The following MIPOL1 variants were observed in gnomAD, a reference collection of about 807,000 sequenced individuals.
MIPOL1 encodes mirror-image polydactyly gene 1 protein.
Under a neutral mutation model 60.9 loss-of-function variants are expected in MIPOL1, and 57 were observed. That is an observed-to-expected ratio of 0.94 (90% CI 0.76 to 1.17). The LOEUF is 1.17. MIPOL1 is among the 50% of genes most tolerant of loss of function. The pLI is 0.00. For missense variants in MIPOL1, 551 were observed against 511.6 expected (o/e 1.08, Z -0.74); for synonymous variants, 179 against 168.8 (o/e 1.06, Z -0.47).
Position 37,547,001 on chromosome 14 carries a change from A to G in MIPOL1, c.*30A>G, listed in dbSNP as rs2095550144. On this transcript the variant is annotated 3_prime_UTR_variant, in exon 13 of 13. Transcript: ENST00000684589. ...AAAAAAACGACAGTCTGGGGAAGCG[A>G]TCACATCTGGTGACCAGGCTGCTTC... The G allele has an allele frequency of 3.8e-6, 6 of 1,598,064 alleles. No individual in the cohort carries two copies. The highest frequency in any genetic ancestry group is 4.3e-6 in the Non-Finnish European group (5 of 1,165,896).
At position 37,309,136 on chromosome 14, in the gene MIPOL1, T is replaced by G. The variant is rs563193483; in HGVS notation, c.828+617T>G. On this transcript the variant is annotated intron_variant, in intron 9 of 12. Transcript: ENST00000684589. ...TTTATTTATTTATTTATTTATTTAT[T>G]TATTTAGTGTGTGTGGAGATTTGGT... 2.7e-4 allele frequency among the ~76,000 whole-genome samples: 41 copies of G among 151,654 alleles called. No homozygotes were observed. In the South Asian group the frequency reaches 7.7e-3, roughly 28 times the overall value.
chr14:37,485,257 AGTCTT>A (rs2094929894), intron 11 of MIPOL1, among the ~76,000 whole-genome samples: 2 of 152,144 alleles, frequency 1.3e-5, no homozygotes, highest in African/African-American at 4.8e-5. Flanking sequence ...GTTGATTCCA[AGTCTT>A]TGCTATTGTG....
chr14:37,327,074 T>C lies in MIPOL1; in HGVS notation c.828+18555T>C, dbSNP rs563510746. On this transcript the variant is annotated intron_variant, in intron 9 of 12. Coordinates refer to ENST00000684589, the MANE Select transcript of MIPOL1 (RefSeq NM_001388067.1). The stretch of plus-strand genomic sequence containing the variant: ...GTAATAACCAATAAATATATAGCTG[T>C]ATTTAGAAGTGAAGAGAGATGAAGT... Among the ~76,000 whole-genome samples, 16 of 152,206 alleles carry C rather than the reference T, an allele frequency of 1.1e-4. No individual in the cohort carries two copies. The East Asian group carries it at 3.1e-3, about 30-fold the overall frequency.
rs144871601 is a variant in MIPOL1 at position 37,217,662 on chromosome 14, G to A, written c.-199+19558G>A. On this transcript the variant is annotated intron_variant, in intron 1 of 12. Transcript: ENST00000684589. ...AAACCATACAATCATTTCAATTGAC[G>A]CTGAAAAGATTTGATAAAATTCAGC... Among the ~76,000 whole-genome samples, 33 of 152,240 alleles carry A rather than the reference G, an allele frequency of 2.2e-4. No individual in the cohort carries two copies. In the East Asian group the frequency reaches 5.0e-3, roughly 23 times the overall value.
At chr14:37,372,049 A>G (rs2092654500) in intron 10 of MIPOL1, among the ~76,000 whole-genome samples, 1 of 152,098 alleles carries the variant, frequency 6.6e-6, no homozygotes, top group African/African-American at 2.4e-5. Flanking sequence ...CTGTCTCTAA[A>G]GCTTTCAGTC....
rs139717683 is a variant in MIPOL1 at position 37,313,737 on chromosome 14, T to G, written c.828+5218T>G. 5.8e-3 allele frequency among the ~76,000 whole-genome samples: 888 copies of G among 152,308 alleles called. 10 individuals are homozygous for G. The highest frequency in any genetic ancestry group is 0.021 in the African/African-American group (865 of 41,574). On this transcript the variant is annotated intron_variant, in intron 9 of 12. Transcript: ENST00000684589. ...AATATGCTATGACTCTTCAATGAATTTCATTGGCATCGACTGATGAGAATG... is the reference window on the plus strand; with the variant it reads ...AATATGCTATGACTCTTCAATGAATGTCATTGGCATCGACTGATGAGAATG...
chr14:37,264,547 A>C (rs1419034051), intron 3 of MIPOL1, among the ~76,000 whole-genome samples: 2 of 151,942 alleles, frequency 1.3e-5, no homozygotes, highest in Non-Finnish European at 2.9e-5. Context: ...AAAATTGCTT[A>C]AGCCCGGGAG....
chr14:37,315,552 G>T (rs1296885465), intron 9 of MIPOL1, among the ~76,000 whole-genome samples: 1 of 152,122 alleles, frequency 6.6e-6, no homozygotes, highest in Non-Finnish European at 1.5e-5. Flanking sequence ...TTGAAAGTAC[G>T]ATAAGTAGGC....
intron 1 of MIPOL1, among the ~76,000 whole-genome samples, chr14:37,201,793 T>C (rs1243000977): frequency 6.6e-6 from 1 of 152,182 alleles, no homozygotes; most frequent in African/African-American, 2.4e-5. Context: ...CCACCATCCA[T>C]GTTAACATTT....
intron 11 of MIPOL1, among the ~76,000 whole-genome samples, chr14:37,461,980 C>G (rs768109058): frequency 3.0e-4 from 45 of 152,294 alleles, no homozygotes; most frequent in Middle Eastern, 6.8e-3. Context: ...GACAGTGGCC[C>G]TCTTCTCACA....
At chr14:37,459,692 CA>C (rs1258258767) in intron 11 of MIPOL1, among the ~76,000 whole-genome samples, 2 of 152,288 alleles carry the variant, frequency 1.3e-5, no homozygotes, top group South Asian at 2.1e-4. Context: ...ACCCTAATAG[CA>C]AAGCCAGGGA....
Position 37,308,474 on chromosome 14 carries a change from A to C in MIPOL1, c.783A>C (p.Glu261Asp). 1 of 1,601,434 alleles carries C rather than the reference A, an allele frequency of 6.2e-7. No individual in the cohort carries two copies. Among genetic ancestry groups the C allele is most frequent in the South Asian group, 1.1e-5 (1 of 88,860 alleles). Reference sequence around the variant, plus strand: ...AATGTAAAATGAGAATAACTGCAGAAGAAATGAGTGCACTAATAGAAGAAC... The same window carrying C: ...AATGTAAAATGAGAATAACTGCAGACGAAATGAGTGCACTAATAGAAGAAC... ...TKECKMRITA[E>D]EMSALIEERD... The change falls in exon 9 of 13, where the codon GAA becomes GAC. Residue 261 changes from glutamate to aspartate, a missense_variant. By Grantham distance (45) the Glu-to-Asp change is conservative (BLOSUM62 2). Transcript: ENST00000684589.
At chr14:37,308,669 A>AC in intron 9 of MIPOL1, 150 bp downstream of exon 9, 1 of 443,190 alleles carries the variant, frequency 2.3e-6, no homozygotes, top group Non-Finnish European at 3.9e-6. Context: ...ATATTAAAAT[A>AC]ATTATGTATT....
chr14:37,379,493 G>C (rs1256225619), intron 10 of MIPOL1, among the ~76,000 whole-genome samples: 1 of 151,956 alleles, frequency 6.6e-6, no homozygotes, highest in African/African-American at 2.4e-5. Flanking sequence ...AAACTTCTGT[G>C]TTTTAAAGTA....
At chr14:37,268,868 TC>T in intron 5 of MIPOL1, 75 bp downstream of exon 5, 1 of 1,215,690 alleles carries the variant, frequency 8.2e-7, no homozygotes, top group Non-Finnish European at 1.1e-6. Context: ...TTGTTGCCCA[TC>T]ATAATTCAGT....
intron 6 of MIPOL1, chr14:37,278,964 G>A (rs980574695): frequency 2.6e-5 from 4 of 151,576 alleles, no homozygotes; most frequent in African/African-American, 9.7e-5. Flanking sequence ...GGGTACGGGT[G>A]ATCCTCTCTG....
chr14:37,522,020 G>C (rs569733458), intron 12 of MIPOL1, among the ~76,000 whole-genome samples: 1 of 150,948 alleles, frequency 6.6e-6, no homozygotes, highest in Non-Finnish European at 1.5e-5. Flanking sequence ...ATGCTTTAGA[G>C]AATTTCATTG....
At chr14:37,207,159 C>A (rs536508946) in intron 1 of MIPOL1, among the ~76,000 whole-genome samples, 1 of 152,268 alleles carries the variant, frequency 6.6e-6, no homozygotes, top group Admixed American at 6.5e-5. Context: ...GTAATTCCCT[C>A]ATGTGGTGGA....
intron 1 of MIPOL1, among the ~76,000 whole-genome samples, chr14:37,201,499 A>T (rs554436903): frequency 6.6e-6 from 1 of 152,338 alleles, no homozygotes; most frequent in African/African-American, 2.4e-5. Context: ...AAAAATATGT[A>T]AAAATATATA....
Sources: gnomAD v4.1 joint callset for allele counts (sites outside exome capture counted in the v4.1 genomes callset) on GRCh38, gnomAD v4.1.1 for gene constraint, MANE v1.5 for transcripts, NCBI Gene and HGNC (gene_info 2026-07-23, HGNC 2026-07-21) for gene names.